The following RYR2 variants were observed in gnomAD, a reference collection of about 807,000 sequenced individuals.
The protein encoded by RYR2 is cardiac muscle ryanodine receptor-calcium release channel.
In RYR2, 227 loss-of-function variants were observed where a neutral mutation model predicts 601.1. That is an observed-to-expected ratio of 0.38 (90% CI 0.34 to 0.42). The LOEUF is 0.42. Ranked by LOEUF, RYR2 falls within the 10% of genes least tolerant of loss-of-function variation. RYR2 has a pLI of 1.00. For synonymous variants in RYR2, 2,223 were observed against 2,175.1 expected (o/e 1.02, Z -0.61); for missense variants, 4,646 against 6,156.5 (o/e 0.75, Z 8.21).
At chr1:237,756,149 G>A (rs1692935795) in intron 80 of RYR2, 139 bp from the exon 81 acceptor site, 2 of 554,200 alleles carry the variant, frequency 3.6e-6, no homozygotes, top group Middle Eastern at 4.7e-4. Flanking sequence ...AATATCTGTT[G>A]AAGAACATCG....
At chr1:237,291,276 T>G (rs1337961615) in intron 2 of RYR2, among the ~76,000 whole-genome samples, 1 of 151,942 alleles carries the variant, frequency 6.6e-6, no homozygotes, top group Non-Finnish European at 1.5e-5. Flanking sequence ...AATCCAAAAC[T>G]CAGACAACAA....
intron 17 of RYR2, among the ~76,000 whole-genome samples, chr1:237,478,913 T>C (rs1430863781): frequency 1.3e-5 from 2 of 152,278 alleles, no homozygotes; most frequent in African/African-American, 2.4e-5. Flanking sequence ...CTGTATGTTA[T>C]TTGAATGTGA....
chr1:237,250,750 T>G (rs1687379788), intron 1 of RYR2, among the ~76,000 whole-genome samples: 1 of 152,176 alleles, frequency 6.6e-6, no homozygotes, highest in Admixed American at 6.5e-5. Context: ...GAGATACACC[T>G]ATCCCATCTC....
intron 10 of RYR2, among the ~76,000 whole-genome samples, chr1:237,396,415 A>G (rs1372622116): frequency 3.9e-5 from 6 of 152,220 alleles, no homozygotes; most frequent in South Asian, 2.1e-4. Context: ...GGGGTTGTGG[A>G]TATCTTTGAG....
Position 237,701,913 on chromosome 1 carries a change from G to A in RYR2, c.9368-65G>A, listed in dbSNP as rs902074044. Reference sequence around the variant, plus strand: ...CTAAACTGAATAGTACATAGCTTAAGCTTTCTCAGGACAATGTATAAATAA... The same window carrying A: ...CTAAACTGAATAGTACATAGCTTAAACTTTCTCAGGACAATGTATAAATAA... On this transcript the variant is annotated intron_variant, in intron 65 of 104. Transcript: ENST00000366574. 1.6e-5 allele frequency: 14 copies of A among 891,642 alleles called. No homozygotes were observed. The South Asian group carries it at 1.9e-4, about 12-fold the overall frequency. The allele number at this position is 891,642 out of a possible 1,614,324, so 55.2% of individuals were successfully genotyped here. A position where few individuals can be genotyped will look rare whatever the true frequency, so the allele number is the denominator to read the frequency against.
intron 1 of RYR2, among the ~76,000 whole-genome samples, chr1:237,183,023 G>T (rs1678958323): frequency 6.6e-6 from 1 of 152,126 alleles, no homozygotes; most frequent in African/African-American, 2.4e-5. Context: ...AGTATGATAA[G>T]CGCATTAGTT....
intron 1 of RYR2, among the ~76,000 whole-genome samples, chr1:237,245,356 T>TGA: frequency 6.6e-6 from 1 of 152,212 alleles, no homozygotes; most frequent in Non-Finnish European, 1.5e-5. Context: ...AGCAATGGCA[T>TGA]GAGACCATTT....
intron 23 of RYR2, among the ~76,000 whole-genome samples, chr1:237,511,447 G>T (rs1461327385): frequency 6.6e-6 from 1 of 152,070 alleles, no homozygotes; most frequent in South Asian, 2.1e-4. Flanking sequence ...GTAGAAGTCT[G>T]CATGGCGGGG....
chr1:237,773,765 C>T (rs1184654761), intron 87 of RYR2, 117 bp downstream of exon 87: 2 of 753,034 alleles, frequency 2.7e-6, no homozygotes, highest in Non-Finnish European at 4.1e-6. Flanking sequence ...TTGCAAATTG[C>T]TACAATTAAA....
At chr1:237,705,740 A>G (rs576823403) in intron 67 of RYR2, among the ~76,000 whole-genome samples, 1 of 152,314 alleles carries the variant, frequency 6.6e-6, no homozygotes, top group East Asian at 1.9e-4. Flanking sequence ...GGCATGCTCA[A>G]GATAGGCTGG....
rs73108471 is a variant in RYR2, at chr1:237,459,950, G to A, written c.1612+3215G>A. 3.2e-3 allele frequency among the ~76,000 whole-genome samples: 494 copies of A among 152,284 alleles called. 2 individuals carry two copies. Among genetic ancestry groups the A allele is most frequent in the African/African-American group, 0.011 (438 of 41,558 alleles). On this transcript the variant is annotated intron_variant, in intron 16 of 104. Coordinates refer to ENST00000366574, the MANE Select transcript of RYR2 (RefSeq NM_001035.3). ...CAATGTTTCTATTGGGATGTGTTCA[G>A]TTGGAAATAACAGAATACCCAAACC...
intron 19 of RYR2, among the ~76,000 whole-genome samples, chr1:237,494,845 A>C (rs1311569777): frequency 6.6e-6 from 1 of 151,962 alleles, no homozygotes; most frequent in Non-Finnish European, 1.5e-5. Flanking sequence ...GGCTGGAGTG[A>C]AGTGGCATGG....
At chr1:237,193,943 T>C (rs1680286315) in intron 1 of RYR2, among the ~76,000 whole-genome samples, 1 of 152,224 alleles carries the variant, frequency 6.6e-6, no homozygotes, top group Non-Finnish European at 1.5e-5. Context: ...GCGTCAAACA[T>C]TCTCATAACT....
At chr1:237,370,283 T>G (rs2149759155) in intron 6 of RYR2, among the ~76,000 whole-genome samples, 1 of 152,240 alleles carries the variant, frequency 6.6e-6, no homozygotes, top group East Asian at 1.9e-4. Context: ...ACATATAACT[T>G]TTGATTCCCT....
rs1199959339 is a variant in RYR2, at chr1:237,548,594, C to A, written c.3066+4C>A. Reference sequence around the variant, plus strand: ...CTGGACTTATGGCATCCAACAGGTACATGGGAATTAGCATTTGGTCTGAGA... The same window carrying A: ...CTGGACTTATGGCATCCAACAGGTAAATGGGAATTAGCATTTGGTCTGAGA... On this transcript the variant is annotated splice_donor_region_variant and intron_variant, in intron 26 of 104. Coordinates refer to ENST00000366574, the MANE Select transcript of RYR2 (RefSeq NM_001035.3). 6.2e-7 allele frequency: 1 copy of A among 1,613,118 alleles called. No homozygotes were observed.
chr1:237,494,194 G>A (rs1017495783), intron 19 of RYR2, among the ~76,000 whole-genome samples: 9 of 152,134 alleles, frequency 5.9e-5, no homozygotes, highest in African/African-American at 2.2e-4. Context: ...AAAGCCGTCT[G>A]CAAGCTGAGG....
At chr1:237,768,269 G>A (rs2250049) in intron 84 of RYR2, among the ~76,000 whole-genome samples, 15,555 of 152,098 alleles carry the variant, frequency 0.1, 2,119 homozygotes, top group African/African-American at 0.31. Context: ...TTGGCATGAT[G>A]TTTCCATATT....
intron 1 of RYR2, among the ~76,000 whole-genome samples, chr1:237,236,595 A>C (rs187450960): frequency 3.3e-5 from 5 of 152,318 alleles, no homozygotes; most frequent in Admixed American, 3.3e-4. Flanking sequence ...TGGTAGAGAA[A>C]GTCTAAAGCT....
At chr1:237,135,280 T>A (rs1046069319) in intron 1 of RYR2, among the ~76,000 whole-genome samples, 1 of 152,136 alleles carries the variant, frequency 6.6e-6, no homozygotes, top group Admixed American at 6.5e-5. Context: ...TGTAATAGAC[T>A]ATCTTGGGGA....
Sources: gnomAD v4.1 joint callset for allele counts (sites outside exome capture counted in the v4.1 genomes callset) on GRCh38, gnomAD v4.1.1 for gene constraint, MANE v1.5 for transcripts, NCBI Gene and HGNC (gene_info 2026-07-23, HGNC 2026-07-21) for gene names.